The following CSMD1 variants were observed in gnomAD, a reference collection of about 807,000 sequenced individuals.
CSMD1 encodes CUB and Sushi multiple domains 1, also known as CUB and sushi domain-containing protein 1.
In CSMD1, 213 loss-of-function variants were observed where a neutral mutation model predicts 417.5. The ratio of observed to expected loss-of-function variants is 0.51; its 90% confidence interval spans 0.46 to 0.57. CSMD1 has a LOEUF of 0.57. Among genes scored for constraint, CSMD1 ranks in the 20% least tolerant of loss-of-function variants. The probability of loss-of-function intolerance (pLI) is 0.00; values close to 1 mark genes in which losing one functional copy is unlikely to be tolerated. For synonymous variants in CSMD1, 2,862 were observed against 1,736.8 expected (o/e 1.65, Z -16.11); for missense variants, 6,923 against 4,529.7 (o/e 1.53, Z -15.17).
chr8:4,501,278 C>T (rs559550506), intron 2 of CSMD1, among the ~76,000 whole-genome samples: 172 of 151,926 alleles, frequency 1.1e-3, no homozygotes, highest in Non-Finnish European at 8.5e-4. Context: ...TTGTGATCCC[C>T]GAACAGGATG....
At chr8:4,725,122 T>C (rs1229146701) in intron 1 of CSMD1, among the ~76,000 whole-genome samples, 1 of 152,196 alleles carries the variant, frequency 6.6e-6, no homozygotes, top group South Asian at 2.1e-4. Context: ...GAAAGGTATA[T>C]ATGTTTTACA....
At chr8:3,172,760 G>T (rs542363840) in intron 37 of CSMD1, among the ~76,000 whole-genome samples, 145 of 152,252 alleles carry the variant, frequency 9.5e-4, no homozygotes, top group African/African-American at 3.5e-3. Context: ...ACCAAACATC[G>T]TCTCCCATGA....
intron 10 of CSMD1, among the ~76,000 whole-genome samples, chr8:3,514,554 T>A (rs75423870): frequency 2.0e-5 from 3 of 152,214 alleles, no homozygotes; most frequent in Admixed American, 2.0e-4. Context: ...AAATAATATG[T>A]TATAGTTGGG....
At chr8:3,631,310 T>C (rs901486169) in intron 7 of CSMD1, among the ~76,000 whole-genome samples, 3 of 152,148 alleles carry the variant, frequency 2.0e-5, no homozygotes, top group Non-Finnish European at 4.4e-5. Context: ...GGATTTTCTG[T>C]CTGGTTTATT....
chr8:3,305,675 C>T (rs889055924), intron 25 of CSMD1, among the ~76,000 whole-genome samples: 1 of 152,128 alleles, frequency 6.6e-6, no homozygotes, highest in African/African-American at 2.4e-5. Context: ...TCTTAACTTA[C>T]TAAGTCTGTA....
rs151060171 is a variant in CSMD1 at position 3,776,807 on chromosome 8, G to GATATATATATATATATAT, written c.819-22766_819-22765insATATATATATATATATAT. On this transcript the variant is annotated intron_variant, in intron 5 of 69. Coordinates refer to ENST00000635120, the MANE Select transcript of CSMD1 (RefSeq NM_033225.6). ...GTGATAGATAGTGACATATAGACGA[G>GATATATATATATATATAT]ATATATATATATATATACAGATGAC... 8.5e-3 allele frequency among the ~76,000 whole-genome samples: 1,184 copies of GATATATATATATATATAT among 139,890 alleles called. 28 individuals carry two copies. The highest frequency in any genetic ancestry group is 0.015 in the African/African-American group (536 of 35,048). The allele number at this position is 139,890 out of a possible 152,430, so 91.8% of individuals were successfully genotyped here. A position where few individuals can be genotyped will look rare whatever the true frequency, so the allele number is the denominator to read the frequency against.
intron 1 of CSMD1, among the ~76,000 whole-genome samples, chr8:4,930,106 G>A (rs1445745783): frequency 6.6e-6 from 1 of 152,150 alleles, no homozygotes; most frequent in Non-Finnish European, 1.5e-5. Context: ...CTCTGTCACT[G>A]TTTTTGTGTG....
At chr8:4,901,765 G>C (rs1219269870) in intron 1 of CSMD1, among the ~76,000 whole-genome samples, 1 of 152,306 alleles carries the variant, frequency 6.6e-6, no homozygotes, top group African/African-American at 2.4e-5. Context: ...GTAAATGATA[G>C]GGAGAGGTGC....
At chr8:3,761,066 G>C (rs780649062) in intron 5 of CSMD1, among the ~76,000 whole-genome samples, 3 of 152,104 alleles carry the variant, frequency 2.0e-5, no homozygotes, top group Non-Finnish European at 4.4e-5. Context: ...ATCAAACAGA[G>C]AGTTCCTGAC....
intron 1 of CSMD1, among the ~76,000 whole-genome samples, chr8:4,993,533 G>A (rs987374313): frequency 6.6e-6 from 1 of 152,102 alleles, no homozygotes; most frequent in Admixed American, 6.5e-5. Flanking sequence ...ACTCATTCAG[G>A]GAGAAAACCA....
At chr8:3,743,891 C>A (rs529614751) in intron 6 of CSMD1, among the ~76,000 whole-genome samples, 25 of 152,184 alleles carry the variant, frequency 1.6e-4, no homozygotes, top group Non-Finnish European at 2.9e-4. Flanking sequence ...AGATTCCCTG[C>A]CTTTTCCTCT....
chr8:4,207,128 G>C (rs946549450), intron 3 of CSMD1, among the ~76,000 whole-genome samples: 1 of 152,066 alleles, frequency 6.6e-6, no homozygotes, highest in African/African-American at 2.4e-5. Flanking sequence ...CTTAAAAATA[G>C]GACAGTTGGT....
At chr8:3,008,363 G>C (rs1352142974) in intron 52 of CSMD1, among the ~76,000 whole-genome samples, 1 of 152,194 alleles carries the variant, frequency 6.6e-6, no homozygotes, top group Non-Finnish European at 1.5e-5. Flanking sequence ...CACCCGCACA[G>C]TGTGGCCCAC....
intron 3 of CSMD1, among the ~76,000 whole-genome samples, chr8:4,407,195 T>C (rs1805089771): frequency 6.6e-6 from 1 of 152,232 alleles, no homozygotes; most frequent in African/African-American, 2.4e-5. Flanking sequence ...CAGTCCTCTT[T>C]AGAGTGATCA....
chr8:3,429,614 G>C (rs1563380185), intron 12 of CSMD1, among the ~76,000 whole-genome samples: 2 of 152,166 alleles, frequency 1.3e-5, no homozygotes, highest in Admixed American at 6.5e-5. Flanking sequence ...TTGACGAGGG[G>C]TGGTGAAAAC....
chr8:4,067,945 T>C (rs1046438814), intron 3 of CSMD1, among the ~76,000 whole-genome samples: 1 of 151,986 alleles, frequency 6.6e-6, no homozygotes. Context: ...GGCATGGTGG[T>C]GCGCTCCTGT....
chr8:3,320,075 C>T (rs1175217237), intron 23 of CSMD1, among the ~76,000 whole-genome samples: 1 of 152,184 alleles, frequency 6.6e-6, no homozygotes, highest in Non-Finnish European at 1.5e-5. Flanking sequence ...CATAGAGGGG[C>T]TGCCACCAGC....
At chr8:4,658,642 C>A (rs186851056) in intron 1 of CSMD1, among the ~76,000 whole-genome samples, 2 of 152,118 alleles carry the variant, frequency 1.3e-5, no homozygotes, top group Middle Eastern at 3.4e-3. Flanking sequence ...AAAAAGACTT[C>A]GGAAAGTAAA....
intron 3 of CSMD1, among the ~76,000 whole-genome samples, chr8:4,401,822 G>A (rs190006028): frequency 1.3e-5 from 2 of 152,148 alleles, no homozygotes; most frequent in South Asian, 2.1e-4. Context: ...TCCGTTCCCT[G>A]GGATTGGCTG....
Sources: gnomAD v4.1 joint callset for allele counts (sites outside exome capture counted in the v4.1 genomes callset) on GRCh38, gnomAD v4.1.1 for gene constraint, MANE v1.5 for transcripts, NCBI Gene and HGNC (gene_info 2026-07-23, HGNC 2026-07-21) for gene names.